The following MAST1 variants were observed in gnomAD, a reference collection of about 807,000 sequenced individuals.
MAST1 encodes the protein microtubule associated serine/threonine kinase 1, also known as microtubule-associated serine/threonine-protein kinase 1.
A neutral mutation model predicts 124.6 loss-of-function variants in MAST1; 40 were observed. The ratio of observed to expected loss-of-function variants is 0.32; its 90% CI spans 0.25 to 0.42. The LOEUF is 0.42. MAST1 is among the 10% of genes least tolerant of loss of function. The pLI is 1.00. For missense variants in MAST1, 1,558 were observed against 2,181.9 expected (o/e 0.71, Z 5.70); for synonymous variants, 938 against 939.4 (o/e 1.00, Z 0.03).
chr19:12,843,811 G>A lies in MAST1; in HGVS notation c.327+204G>A, dbSNP rs1969859356. Among the ~76,000 whole-genome samples the A allele has an allele frequency of 6.6e-6, 1 of 152,090 alleles. No individual in the cohort carries two copies. On this transcript the variant is annotated intron_variant, in intron 4 of 25. Transcript: ENST00000251472. This position sits in a 1 kb window ranked among gnomAD's most constrained non-coding sequence, Gnocchi z 4.9. ...AGCCTAGGAGTTCAAGACCAGTCTG[G>A]GCAACATAGGGAGACCCTTGTCCCT... is the stretch of plus-strand genomic sequence containing the variant.
intron 22 of MAST1, among the ~76,000 whole-genome samples, chr19:12,870,492 CAAAAAA>C (rs36022150): frequency 4.0e-5 from 3 of 75,852 alleles, no homozygotes; most frequent in South Asian, 4.6e-4. Flanking sequence ...GACTCCGTCT[CAAAAAA>C]AAAAAAAAAA....
In MAST1 at chr19:12,860,142, T is replaced by G. The variant is rs577524005; in HGVS notation, c.1366+1403T>G. Among the ~76,000 whole-genome samples, 7 of 152,202 alleles carry G rather than the reference T, an allele frequency of 4.6e-5. No homozygotes were observed. In the South Asian group the frequency reaches 1.5e-3, roughly 32 times the overall value. ...TTTCTTTTTTTTGGGGGGGACGGCG[T>G]CTTGCTCTGTCTCCCAGGCTGGAGT... On this transcript the variant is annotated intron_variant, in intron 12 of 25. Coordinates refer to ENST00000251472, the MANE Select transcript of MAST1 (RefSeq NM_014975.3).
At position 12,868,102 on chromosome 19, in the gene MAST1, G is replaced by GTTTTTTTTTTTTTTTTTTT. The variant is rs1568414424; in HGVS notation, c.2566+125_2566+126insTTTTTTTTTTTTTTTTTTT. The GTTTTTTTTTTTTTTTTTTT allele has an allele frequency of 4.8e-5, 26 of 539,278 alleles. No homozygotes were observed. The East Asian group carries it at 1.0e-3, about 21-fold the overall frequency. The allele number at this position is 539,278 out of a possible 1,614,324, so 33.4% of individuals were successfully genotyped here. A position where few individuals can be genotyped will look rare whatever the true frequency, so the allele number is the denominator to read the frequency against. On this transcript the variant is annotated intron_variant, in intron 20 of 25. Transcript: ENST00000251472. The stretch of plus-strand genomic sequence containing the variant: ...AGGTCCTATTCACATTGCAATTTGG[G>GTTTTTTTTTTTTTTTTTTT]ATTTTTTTTTTTTTTTTTTTTTTTG...
intron 24 of MAST1, 91 bp downstream of exon 24, chr19:12,871,263 G>C: frequency 3.9e-6 from 6 of 1,550,106 alleles, no homozygotes; most frequent in South Asian, 2.3e-5. Context: ...GGAAGAGCAC[G>C]GGAAAGGTGG....
chr19:12,848,133 C>A, intron 7 of MAST1, 76 bp downstream of exon 7: 2 of 1,331,076 alleles, frequency 1.5e-6, no homozygotes, highest in East Asian at 2.5e-5. Context: ...CTTTCTTCAC[C>A]CCACATACAT....
chr19:12,862,660 T>C (rs1401314208), intron 12 of MAST1, among the ~76,000 whole-genome samples: 1 of 137,050 alleles, frequency 7.3e-6, no homozygotes, highest in Admixed American at 7.1e-5. Flanking sequence ...TTCTTTTCCT[T>C]TTTTTTTTTT....
rs951962483 is a variant in MAST1, at chr19:12,865,841, C to A, written c.1906+23C>A. 3.7e-6 allele frequency: 6 copies of A among 1,607,038 alleles called. No individual in the cohort carries two copies. Among genetic ancestry groups the A allele is most frequent in the Non-Finnish European group, 4.3e-6 (5 of 1,175,396 alleles). ...CAGGTAAGTCCGCCATGCAGAGGAGCTGAGGGCCCACTGATAGAGAGCAGG... is the reference window on the plus strand; with the variant it reads ...CAGGTAAGTCCGCCATGCAGAGGAGATGAGGGCCCACTGATAGAGAGCAGG... On this transcript the variant is annotated intron_variant, in intron 16 of 25. Coordinates refer to ENST00000251472, the MANE Select transcript of MAST1 (RefSeq NM_014975.3). This position sits in a 1 kb window ranked among gnomAD's most constrained non-coding sequence, Gnocchi z 7.1.
chr19:12,873,578 A>G, intron 25 of MAST1, 31 bp from the exon 26 acceptor site: 1 of 1,579,014 alleles, frequency 6.3e-7, no homozygotes, highest in South Asian at 1.1e-5. Context: ...CTTGGGCTGT[A>G]CTCACTCGCT....
At chr19:12,842,791 T>A (rs564789602) in intron 3 of MAST1, among the ~76,000 whole-genome samples, 28 of 152,184 alleles carry the variant, frequency 1.8e-4, no homozygotes, top group African/African-American at 6.7e-4. Flanking sequence ...AATGTGGAAG[T>A]GTGGAGTATG....
Position 12,841,159 on chromosome 19 carries a change from G to C in MAST1, c.248+93G>C. 1.4e-6 allele frequency: 1 copy of C among 713,312 alleles called. No homozygotes were observed. The highest frequency in any genetic ancestry group is 2.5e-5 in the East Asian group (1 of 39,494). The allele number at this position is 713,312 out of a possible 1,614,324, so 44.2% of individuals were successfully genotyped here. A position where few individuals can be genotyped will look rare whatever the true frequency, so the allele number is the denominator to read the frequency against. On this transcript the variant is annotated intron_variant, in intron 3 of 25. Coordinates refer to ENST00000251472, the MANE Select transcript of MAST1 (RefSeq NM_014975.3). This position sits in a 1 kb window ranked among gnomAD's most constrained non-coding sequence, Gnocchi z 4.3. ...ATCTGTTCTCCTCCTAATTGCACCC[G>C]AGCTGGGGCCTGAGGGGACCAGCGA...
intron 10 of MAST1, among the ~76,000 whole-genome samples, chr19:12,855,029 G>A (rs1029417761): frequency 2.0e-5 from 3 of 152,038 alleles, no homozygotes; most frequent in Non-Finnish European, 4.4e-5. Flanking sequence ...TCAGGAAGTC[G>A]AGACCAGCCT....
chr19:12,840,693 T>C (rs1969814795), intron 2 of MAST1, among the ~76,000 whole-genome samples, 159 bp downstream of exon 2: 1 of 151,508 alleles, frequency 6.6e-6, no homozygotes, highest in Non-Finnish European at 1.5e-5. Context: ...GTGTGGTCAG[T>C]CGCAGAGGGA....
At position 12,865,434 on chromosome 19, in the gene MAST1, C is replaced by G; in HGVS notation, c.1757C>G (p.Pro586Arg). 6.2e-7 allele frequency: 1 copy of G among 1,607,018 alleles called. No individual in the cohort carries two copies. The highest frequency in any genetic ancestry group is 8.5e-7 in the Non-Finnish European group (1 of 1,176,576). ...TACGAGTTCCTGGTGGGCTGTGTGCCCTTCTTCGGAGACACACCAGAGGAG... is the reference window on the plus strand; with the variant it reads ...TACGAGTTCCTGGTGGGCTGTGTGCGCTTCTTCGGAGACACACCAGAGGAG... ...ILYEFLVGCV[P>R]FFGDTPEELF... is the part of the protein sequence containing the mutation. The change falls in exon 15 of 26, where the codon CCC (proline) becomes CGC (arginine). Residue 586 changes from proline (P) to arginine (R), a missense_variant. Physicochemically the swap from Pro to Arg is moderately radical, Grantham distance 103 (BLOSUM62 -2). Transcript: ENST00000251472. The surrounding 1 kb of genome is among the most constrained non-coding windows in gnomAD (Gnocchi z 7.1).
chr19:12,852,245 C>T lies in MAST1; in HGVS notation c.1007C>T (p.Pro336Leu), dbSNP rs868652170. The T allele has an allele frequency of 1.9e-6, 3 of 1,614,058 alleles. No homozygotes were observed. The highest frequency in any genetic ancestry group is 1.3e-5 in the African/African-American group (1 of 75,072). The change falls in exon 9 of 26, where the codon CCA becomes CTA. Residue 336 changes from proline to leucine, a missense_variant and splice_region_variant. By Grantham distance (98) the Pro-to-Leu change is moderately conservative. Around this residue, in one of 10 missense-constraint regions of MAST1, gnomAD observed 136 missense variants for 160.9 expected, o/e 0.85. Coordinates refer to ENST00000251472, the MANE Select transcript of MAST1 (RefSeq NM_014975.3). ...RQLGLTRDPF[P>L]DVVHLEEQDS... ...CTGGGCCTCACCCGTGACCCCTTTC[C>T]AGGTGCCGGCTGGTGGGCGCAGGGG...
Position 12,847,565 on chromosome 19 carries a change from G to C in MAST1, c.489-47G>C, listed in dbSNP as rs748924697. On this transcript the variant is annotated intron_variant, in intron 5 of 25. Coordinates refer to ENST00000251472, the MANE Select transcript of MAST1 (RefSeq NM_014975.3). The surrounding 1 kb of genome is among the most constrained non-coding windows in gnomAD (Gnocchi z 5.5). ...ACATCTTGGGGCGGGGGCTCTCTGCGGGCTTGGAGGCAGAGGACTCGACAA... is the reference window on the plus strand; with the variant it reads ...ACATCTTGGGGCGGGGGCTCTCTGCCGGCTTGGAGGCAGAGGACTCGACAA... The C allele has an allele frequency of 2.0e-5, 33 of 1,613,034 alleles. No individual in the cohort carries two copies. The East Asian group carries it at 6.2e-4, about 31-fold the overall frequency.
In MAST1 at chr19:12,871,089, C is replaced by T; in HGVS notation, c.3180C>T (p.Arg1060=). The T allele has an allele frequency of 6.2e-7, 1 of 1,614,204 alleles. No individual in the cohort carries two copies. Residue 1060 remains arginine, a synonymous_variant, in exon 24 of 26, where the codon CGC becomes CGT. Coordinates refer to ENST00000251472, the MANE Select transcript of MAST1 (RefSeq NM_014975.3). ...TTTPFENTSI[R]IGPARRSSYK... Reference sequence around the variant, plus strand: ...CGCCCTTCGAAAATACCTCTATCCGCATTGGTCCCGCAAGGCGCAGCAGCT... The same window carrying T: ...CGCCCTTCGAAAATACCTCTATCCGTATTGGTCCCGCAAGGCGCAGCAGCT...
chr19:12,869,426 T>C, intron 22 of MAST1, 131 bp downstream of exon 22: 1 of 686,490 alleles, frequency 1.5e-6, no homozygotes, highest in Non-Finnish European at 2.4e-6. Context: ...TCTAAACCTG[T>C]TTCTTTTTTC....
At position 12,865,369 on chromosome 19, in the gene MAST1, C is replaced by T. The variant is rs771376101; in HGVS notation, c.1692C>T (p.Tyr564=). 5.0e-6 allele frequency: 8 copies of T among 1,611,418 alleles called. No homozygotes were observed. Among genetic ancestry groups the T allele is most frequent in the Non-Finnish European group, 5.9e-6 (7 of 1,178,670 alleles). Residue 564 remains tyrosine (Y), a synonymous_variant, in exon 15 of 26, where the codon TAC becomes TAT. Coordinates refer to ENST00000251472, the MANE Select transcript of MAST1 (RefSeq NM_014975.3). This position sits in a 1 kb window ranked among gnomAD's most constrained non-coding sequence, Gnocchi z 7.1. ...IAPEVILRQG[Y]GKPVDWWAMG... ...CCGAGGTCATCCTGCGTCAAGGCTA[C>T]GGCAAGCCAGTGGACTGGTGGGCTA...
chr19:12,853,166 T>C (rs531629548), intron 10 of MAST1, among the ~76,000 whole-genome samples: 1 of 151,480 alleles, frequency 6.6e-6, no homozygotes, highest in Non-Finnish European at 1.5e-5. Context: ...GACTAAAATT[T>C]CTCCATGTTG....
Sources: allele counts gnomAD v4.1 joint callset (sites outside exome capture counted in the v4.1 genomes callset), GRCh38; gene constraint gnomAD v4.1.1; regional missense constraint gnomAD v4.1.1; non-coding constraint Gnocchi (gnomAD v3.1); transcripts MANE v1.5; gene names NCBI Gene and HGNC (gene_info 2026-07-23, HGNC 2026-07-21).